The following AK9 variants were observed in gnomAD, a reference collection of about 807,000 sequenced individuals.
AK9 encodes adenylate kinase 9.
A neutral mutation model predicts 239.6 loss-of-function variants in AK9; 191 were observed. The observed-to-expected ratio is 0.80, with a 90% CI of 0.71 to 0.90. The LOEUF is 0.90. Among genes scored for constraint, AK9 ranks in the 40% least tolerant of loss-of-function variants. The probability of loss-of-function intolerance (pLI) is 0.00; values close to 1 mark genes in which losing one functional copy is unlikely to be tolerated. For synonymous variants in AK9, 689 were observed against 721.0 expected, an observed-to-expected ratio of 0.96 and a Z score of 0.71; for missense variants, 1,995 against 2,214.7, an observed-to-expected ratio of 0.90 and a Z score of 1.99.
At chr6:109,632,622 A>T (rs545025649) in intron 12 of AK9, 2 of 429,368 alleles carry the variant, frequency 4.7e-6, no homozygotes, top group Non-Finnish European at 6.9e-6. Flanking sequence ...GGGACAGAAG[A>T]TGAGTAGAAC....
chr6:109,625,991 T>C (rs1474743391), intron 12 of AK9, among the ~76,000 whole-genome samples: 1 of 152,170 alleles, frequency 6.6e-6, no homozygotes, highest in East Asian at 1.9e-4. Context: ...CATCTGATTT[T>C]CCCACAGGTC....
intron 5 of AK9, among the ~76,000 whole-genome samples, chr6:109,671,336 ATT>A (rs957453148): frequency 6.6e-6 from 1 of 152,184 alleles, no homozygotes. Context: ...TTGCAGAGGT[ATT>A]AGAGTTTGCT....
Position 109,546,034 on chromosome 6 carries a change from T to C in AK9, c.3058A>G (p.Ile1020Val). Residue 1020 changes from isoleucine (I) to valine (V), a missense_variant, in exon 26 of 41, where the codon ATT becomes GTT. Around this residue, in one of 5 missense-constraint regions of AK9, gnomAD observed 1,290 missense variants for 1,392.7 expected, o/e 0.93. Transcript: ENST00000424296. ...TCTTGAAGAACTTCTTCAAACTGAA[T>C]GTGAAAAATGTTTAATTTTTCTGCC... is the stretch of plus-strand genomic sequence containing the variant. ...QLAEKLNIFH[I>V]QFEEVLQEKL... 6.2e-7 allele frequency: 1 copy of C among 1,613,820 alleles called. No homozygotes were observed. The highest frequency in any genetic ancestry group is 2.2e-5 in the East Asian group (1 of 44,862).
At position 109,516,614 on chromosome 6, in the gene AK9, C is replaced by A; in HGVS notation, c.3662G>T (p.Ser1221Ile). ...ENVVRDDEEI[S>I]EEELEEDNDD... ...ATTGTCTTCTTCAAGTTCTTCCTCA[C>A]TAATCTCTTCATCATCTCTAACAAC... The change falls in exon 30 of 41, where the codon AGT (serine) becomes ATT (isoleucine). Residue 1221 changes from serine (S) to isoleucine (I), a missense_variant. By Grantham distance (142) the Ser-to-Ile change is moderately radical. Around this residue, in one of 5 missense-constraint regions of AK9, gnomAD observed 1,290 missense variants for 1,392.7 expected, o/e 0.93. Coordinates refer to ENST00000424296, the MANE Select transcript of AK9 (RefSeq NM_001145128.3). 1 of 1,550,140 alleles carries A rather than the reference C, an allele frequency of 6.5e-7. No individual in the cohort carries two copies. The highest frequency in any genetic ancestry group is 8.7e-7 in the Non-Finnish European group (1 of 1,146,782).
At chr6:109,605,397 C>T (rs1198350470) in intron 17 of AK9, among the ~76,000 whole-genome samples, 1 of 152,112 alleles carries the variant, frequency 6.6e-6, no homozygotes, top group South Asian at 2.1e-4. Flanking sequence ...CTTAATGTGA[C>T]AAGATAATTT....
chr6:109,632,612 G>C (rs909033104), intron 12 of AK9: 5 of 376,260 alleles, frequency 1.3e-5, no homozygotes, highest in Non-Finnish European at 2.0e-5. Context: ...TGAAACCCAG[G>C]GGACAGAAGA....
chr6:109,583,825 C>G (rs1441043696), intron 19 of AK9, among the ~76,000 whole-genome samples: 2 of 152,072 alleles, frequency 1.3e-5, no homozygotes, highest in Non-Finnish European at 2.9e-5. Flanking sequence ...TAGCAGATCT[C>G]CAGTCTACAA....
At chr6:109,649,469 G>A (rs1162332293) in intron 8 of AK9, among the ~76,000 whole-genome samples, 1 of 152,084 alleles carries the variant, frequency 6.6e-6, no homozygotes, top group African/African-American at 2.4e-5. Flanking sequence ...AATCATGAGT[G>A]AACTCCCATT....
rs531393078 is a variant in AK9, at chr6:109,544,410, G to T, written c.3225+1457C>A. Among the ~76,000 whole-genome samples, 4 of 152,236 alleles carry T rather than the reference G, an allele frequency of 2.6e-5. No individual in the cohort carries two copies. The East Asian group carries it at 5.8e-4, about 22-fold the overall frequency. ...ATCCCCAATGCTGGAGGTGGGGTCT[G>T]GTGAGAGGTGATTGGATCATGGGGG... On this transcript the variant is annotated intron_variant, in intron 26 of 40. Coordinates refer to ENST00000424296, the MANE Select transcript of AK9 (RefSeq NM_001145128.3).
chr6:109,609,926 GT>G, intron 17 of AK9, among the ~76,000 whole-genome samples: 1 of 152,154 alleles, frequency 6.6e-6, no homozygotes, highest in Non-Finnish European at 1.5e-5. Context: ...AACAGCACAT[GT>G]GTGTCCTCTC....
At chr6:109,621,913 CAAAAAA>C (rs758683676) in intron 12 of AK9, among the ~76,000 whole-genome samples, 2 of 70,298 alleles carry the variant, frequency 2.8e-5, no homozygotes, top group African/African-American at 6.3e-5. Flanking sequence ...AAAAAAAAAA[CAAAAAA>C]AAAACAGAAA....
chr6:109,677,371 T>TA (rs2128343749), intron 1 of AK9, among the ~76,000 whole-genome samples: 1 of 152,322 alleles, frequency 6.6e-6, no homozygotes, highest in East Asian at 1.9e-4. Flanking sequence ...ATAATTTTAG[T>TA]AAAAATGTGC....
chr6:109,682,168 G>T (rs925024042), intron 1 of AK9, among the ~76,000 whole-genome samples: 4 of 152,152 alleles, frequency 2.6e-5, no homozygotes, highest in Non-Finnish European at 5.9e-5. Flanking sequence ...GCTCATGCCT[G>T]TAATCCCAGC....
chr6:109,598,274 C>T (rs905252666), intron 17 of AK9, among the ~76,000 whole-genome samples: 12 of 145,682 alleles, frequency 8.2e-5, no homozygotes, highest in African/African-American at 3.1e-4. Context: ...CTTCCTGTGT[C>T]CATGTGTTCT....
chr6:109,494,838 T>G (rs1776872701), intron 39 of AK9, among the ~76,000 whole-genome samples: 1 of 151,250 alleles, frequency 6.6e-6, no homozygotes, highest in South Asian at 2.1e-4. Flanking sequence ...TTGCTATTCT[T>G]AAAAAGTTAT....
chr6:109,645,322 A>T (rs1229405040), intron 8 of AK9, among the ~76,000 whole-genome samples: 1 of 152,168 alleles, frequency 6.6e-6, no homozygotes, highest in African/African-American at 2.4e-5. Context: ...AAGTGTTTCC[A>T]AGGGTACCTG....
chr6:109,529,195 A>C, intron 28 of AK9, 122 bp from the exon 29 acceptor site: 1 of 1,131,228 alleles, frequency 8.8e-7, no homozygotes. Flanking sequence ...TGAACTTTGC[A>C]GGAAAGGATG....
intron 12 of AK9, among the ~76,000 whole-genome samples, chr6:109,631,530 G>A (rs6921303): frequency 0.71 from 108,379 of 151,786 alleles, 39,169 homozygotes; most frequent in East Asian, 0.99. Context: ...ACCGACCATA[G>A]TAAGAGTTGA....
At position 109,659,359 on chromosome 6, in the gene AK9, T is replaced by C. The variant is rs1430947688; in HGVS notation, c.499A>G (p.Thr167Ala). The C allele has an allele frequency of 1.2e-6, 2 of 1,612,260 alleles. No individual in the cohort carries two copies. Among genetic ancestry groups the C allele is most frequent in the South Asian group, 1.1e-5 (1 of 90,678 alleles). The change falls in exon 7 of 41, where the codon ACG becomes GCG. Residue 167 changes from threonine to alanine, a missense_variant. By Grantham distance (58) the Thr-to-Ala change is moderately conservative. Around this residue, in one of 5 missense-constraint regions of AK9, gnomAD observed 252 missense variants for 246.4 expected, o/e 1.02. Transcript: ENST00000424296. ...RISGQRQHNN[T>A]GYIYSRDQWD... The stretch of plus-strand genomic sequence containing the variant: ...TGGTCTCTACTGTATATGTATCCCG[T>C]ATTATTGTGCTGTCTTTGCCCAGAA...
Sources: allele counts gnomAD v4.1 joint callset (sites outside exome capture counted in the v4.1 genomes callset), GRCh38; gene constraint gnomAD v4.1.1; regional missense constraint gnomAD v4.1.1; transcripts MANE v1.5; gene names NCBI Gene and HGNC (gene_info 2026-07-23, HGNC 2026-07-21).